Variants in XXYLT1 observed in about 807,000 individuals in gnomAD.
The protein encoded by XXYLT1 is xyloside xylosyltransferase 1, also known as UDP-xylose:alpha-xyloside alpha-1,3-xylosyltransferase.
A neutral mutation model predicts 28.9 loss-of-function variants in XXYLT1; 20 were observed. The ratio of observed to expected loss-of-function variants is 0.69; its 90% CI spans 0.49 to 1.00. The LOEUF is 1.00. Ranked by LOEUF, XXYLT1 falls within the 50% of genes least tolerant of loss-of-function variation. The pLI is 0.00. For missense variants in XXYLT1, 542 were observed against 560.1 expected (o/e 0.97, Z 0.33); for synonymous variants, 257 against 253.8 (o/e 1.01, Z -0.12).
intron 2 of XXYLT1, among the ~76,000 whole-genome samples, chr3:195,178,290 C>T (rs1560136842): frequency 6.6e-6 from 1 of 152,142 alleles, no homozygotes; most frequent in Non-Finnish European, 1.5e-5. Flanking sequence ...GAACCCTCGC[C>T]CAAACCTAAC....
intron 3 of XXYLT1, among the ~76,000 whole-genome samples, chr3:195,104,228 TG>T: frequency 6.6e-6 from 1 of 151,040 alleles, no homozygotes; most frequent in Non-Finnish European, 1.5e-5. Context: ...TGTGTGTGTG[TG>T]TGTGTGTGTG....
In XXYLT1 at chr3:195,210,438, GA is replaced by G. The variant is rs1194847296; in HGVS notation, c.652+16270del. The stretch of plus-strand genomic sequence containing the variant: ...CTCCTCATGGGTGAGGCGAGGCCCA[GA>G]AAAAAGTTGGCTGACGTCCTGGCAA... On this transcript the variant is annotated intron_variant, in intron 2 of 3. Coordinates refer to ENST00000310380, the MANE Select transcript of XXYLT1 (RefSeq NM_152531.5). The surrounding 1 kb of genome is among the most constrained non-coding windows in gnomAD (Gnocchi z 4.8). Among the ~76,000 whole-genome samples the G allele has an allele frequency of 6.6e-6, 1 of 152,176 alleles. No individual in the cohort carries two copies. The highest frequency in any genetic ancestry group is 6.5e-5 in the Admixed American group (1 of 15,280).
intron 1 of XXYLT1, chr3:195,259,968 C>T (rs905786126): frequency 6.6e-6 from 1 of 152,492 alleles, no homozygotes; most frequent in Non-Finnish European, 1.5e-5. Context: ...CCCGTCCCAG[C>T]GGCTCGGCCC....
intron 3 of XXYLT1, among the ~76,000 whole-genome samples, chr3:195,152,091 C>G (rs1031333685): frequency 3.3e-5 from 5 of 152,166 alleles, no homozygotes; most frequent in Non-Finnish European, 5.9e-5. Context: ...TGAGTACGAC[C>G]GAATGCTATT....
At chr3:195,205,366 T>C (rs914403504) in intron 2 of XXYLT1, among the ~76,000 whole-genome samples, 5 of 152,204 alleles carry the variant, frequency 3.3e-5, no homozygotes, top group Admixed American at 3.3e-4. Flanking sequence ...ACAACTGGAA[T>C]GAACCTCTTG....
chr3:195,248,255 G>C (rs998893355), intron 1 of XXYLT1, among the ~76,000 whole-genome samples: 2 of 152,186 alleles, frequency 1.3e-5, no homozygotes, highest in Admixed American at 1.3e-4. Flanking sequence ...TACCTCAGGA[G>C]GGGCTAAGGA....
intron 3 of XXYLT1, among the ~76,000 whole-genome samples, chr3:195,155,120 C>T (rs10933700): frequency 0.13 from 19,523 of 152,226 alleles, 1,488 homozygotes; most frequent in East Asian, 0.27. Context: ...AAAGTCCACA[C>T]GGCCCAAGGA....
chr3:195,155,868 T>C (rs1291411422), intron 3 of XXYLT1, among the ~76,000 whole-genome samples: 1 of 152,248 alleles, frequency 6.6e-6, no homozygotes, highest in African/African-American at 2.4e-5. Flanking sequence ...ATTTGAGTCG[T>C]TTTCAGTTTT....
intron 2 of XXYLT1, among the ~76,000 whole-genome samples, chr3:195,186,438 G>T (rs1434918715): frequency 6.6e-6 from 1 of 152,154 alleles, no homozygotes; most frequent in Non-Finnish European, 1.5e-5. Context: ...ACCGGGGTGT[G>T]CTCCAGGCAG....
At chr3:195,175,255 TC>T (rs1721604425) in intron 2 of XXYLT1, among the ~76,000 whole-genome samples, 2 of 152,088 alleles carry the variant, frequency 1.3e-5, no homozygotes, top group African/African-American at 4.8e-5. Flanking sequence ...AGAAGTCCTC[TC>T]CCCATAACAA....
Position 195,077,075 on chromosome 3 carries a change from G to A in XXYLT1, c.786-6964C>T, listed in dbSNP as rs1715163153. Among the ~76,000 whole-genome samples, 1 of 152,116 alleles carries A rather than the reference G, an allele frequency of 6.6e-6. No homozygotes were observed. Among genetic ancestry groups the A allele is most frequent in the African/African-American group, 2.4e-5 (1 of 41,420 alleles). ...GTTCTCACTGTCCAGGGACTCAGAG[G>A]ACACCTGTGGGGCCCAGAACTGCCC... On this transcript the variant is annotated intron_variant, in intron 3 of 3. Transcript: ENST00000310380. The surrounding 1 kb of genome is among the most constrained non-coding windows in gnomAD (Gnocchi z 4.8).
chr3:195,119,771 C>T (rs1269530653), intron 3 of XXYLT1, among the ~76,000 whole-genome samples: 1 of 152,206 alleles, frequency 6.6e-6, no homozygotes, highest in Non-Finnish European at 1.5e-5. Context: ...CATCTTTTAA[C>T]CACCCTGTGT....
intron 2 of XXYLT1, among the ~76,000 whole-genome samples, chr3:195,224,950 C>G (rs992322380): frequency 6.6e-6 from 1 of 152,210 alleles, no homozygotes; most frequent in Non-Finnish European, 1.5e-5. Flanking sequence ...AACAGAACCA[C>G]GTCCTTCTCA....
rs534086381 is a variant in XXYLT1, at chr3:195,124,763, T to C, written c.785+31686A>G. On this transcript the variant is annotated intron_variant, in intron 3 of 3. Transcript: ENST00000310380. This position sits in a 1 kb window ranked among gnomAD's most constrained non-coding sequence, Gnocchi z 4.1. ...ACTGCCCTCGCTGGCCGGGACACAG[T>C]CAGCCAGGTTCCAGGGACCACAACT... 2.6e-5 allele frequency among the ~76,000 whole-genome samples: 4 copies of C among 152,214 alleles called. No individual in the cohort carries two copies. The highest frequency in any genetic ancestry group is 2.6e-4 in the Admixed American group (4 of 15,296).
rs369823588 is a variant in XXYLT1, at chr3:195,205,817, C to T, written c.652+20892G>A. Reference sequence around the variant, plus strand: ...GGTGAAGGTTGCAGTCAGCCGAGATCGTGCCACTGCACTCCAGCCTGGGCA... The same window carrying T: ...GGTGAAGGTTGCAGTCAGCCGAGATTGTGCCACTGCACTCCAGCCTGGGCA... On this transcript the variant is annotated intron_variant, in intron 2 of 3. Coordinates refer to ENST00000310380, the MANE Select transcript of XXYLT1 (RefSeq NM_152531.5). Among the ~76,000 whole-genome samples, 71 of 152,190 alleles carry T rather than the reference C, an allele frequency of 4.7e-4. No homozygotes were observed. The East Asian group carries it at 9.7e-3, about 21-fold the overall frequency.
chr3:195,153,553 A>C (rs993009271), intron 3 of XXYLT1, among the ~76,000 whole-genome samples: 27 of 152,340 alleles, frequency 1.8e-4, no homozygotes, highest in African/African-American at 6.0e-4. Flanking sequence ...CGGAGGTCTC[A>C]TGGTTATCAT....
rs1220617704 is a variant in XXYLT1, at chr3:195,256,455, G to A, written c.504+14100C>T. 6.1e-6 allele frequency: 6 copies of A among 984,696 alleles called. No individual in the cohort carries two copies. The highest frequency in any genetic ancestry group is 1.7e-5 in the African/African-American group (1 of 57,310). 61.0% of individuals were successfully genotyped at this position (984,696 alleles called of 1,614,324 possible). On this transcript the variant is annotated intron_variant, in intron 1 of 3. Transcript: ENST00000310380. The surrounding 1 kb of genome is among the most constrained non-coding windows in gnomAD (Gnocchi z 4.2). ...CTGCACAGGGCAGGGCCCGAGAAAC[G>A]AACCAGTACCTCCCAGAGGACGGAA... is the stretch of plus-strand genomic sequence containing the variant.
intron 3 of XXYLT1, 21 bp downstream of exon 3, chr3:195,156,428 C>T (rs775974886): frequency 6.2e-7 from 1 of 1,610,452 alleles, no homozygotes; most frequent in South Asian, 1.1e-5. Flanking sequence ...TGGAGGCGGC[C>T]CCCCTGCAGT....
rs144613102 is a variant in XXYLT1, at chr3:195,255,678, T to A, written c.504+14877A>T. Among the ~76,000 whole-genome samples, 113 of 152,268 alleles carry A rather than the reference T, an allele frequency of 7.4e-4. No homozygotes were observed. Among genetic ancestry groups the A allele is most frequent in the African/African-American group, 2.7e-3 (111 of 41,552 alleles). ...CAAGGGAAGGCAGGCAGGGAGACCA[T>A]GAGTGCAGGGAACCAGAGAGGGCAC... On this transcript the variant is annotated intron_variant, in intron 1 of 3. Transcript: ENST00000310380. This position sits in a 1 kb window ranked among gnomAD's most constrained non-coding sequence, Gnocchi z 4.5.
Sources: gnomAD v4.1 joint callset for allele counts (sites outside exome capture counted in the v4.1 genomes callset) on GRCh38, gnomAD v4.1.1 for gene constraint, Gnocchi (gnomAD v3.1) non-coding constraint, MANE v1.5 for transcripts, NCBI Gene and HGNC (gene_info 2026-07-23, HGNC 2026-07-21) for gene names.